Variants in PCNX1 observed in about 807,000 individuals in gnomAD.
PCNX1 encodes pecanex 1.
PCNX1 carries 78 observed loss-of-function variants against 242.2 expected under a neutral mutation model. That is an observed-to-expected ratio of 0.32 (90% CI 0.27 to 0.39). The LOEUF is 0.39. Ranked by LOEUF, PCNX1 falls within the 10% of genes least tolerant of loss-of-function variation. PCNX1 has a pLI of 1.00. For missense variants in PCNX1, 2,581 were observed against 2,856.5 expected, an observed-to-expected ratio of 0.90 and a Z score of 2.20; for synonymous variants, 1,024 against 1,032.9, an observed-to-expected ratio of 0.99 and a Z score of 0.17.
intron 16 of PCNX1, 124 bp downstream of exon 16, chr14:71,028,915 A>G (rs1468095460): frequency 3.7e-6 from 2 of 540,340 alleles, no homozygotes; most frequent in Non-Finnish European, 6.5e-6. Flanking sequence ...CATGGTCTTC[A>G]TATGTTAAAC....
intron 9 of PCNX1, among the ~76,000 whole-genome samples, chr14:71,010,236 C>A (rs1490067806): frequency 6.6e-6 from 1 of 151,998 alleles, no homozygotes. Flanking sequence ...AGTGTTTTCC[C>A]ACAGTGTCAA....
Position 71,074,744 on chromosome 14 carries a change from G to A in PCNX1, c.5106+946G>A, listed in dbSNP as rs118076519. On this transcript the variant is annotated intron_variant, in intron 27 of 35. Transcript: ENST00000304743. ...TCCAGCTGAACAAAGACTCTTTAACGGGAAGGGCATCCCAAGGCTTAGCGG... is the reference window on the plus strand; with the variant it reads ...TCCAGCTGAACAAAGACTCTTTAACAGGAAGGGCATCCCAAGGCTTAGCGG... Among the ~76,000 whole-genome samples, 192 of 152,164 alleles carry A rather than the reference G, an allele frequency of 1.3e-3. 1 individual carries two copies. In the East Asian group the frequency reaches 0.033, roughly 26 times the overall value.
intron 1 of PCNX1, among the ~76,000 whole-genome samples, chr14:70,914,622 A>G (rs1453930716): frequency 1.3e-5 from 2 of 152,254 alleles, no homozygotes; most frequent in South Asian, 2.1e-4. Context: ...ATTTTATTAA[A>G]GAATTTTCAA....
intron 1 of PCNX1, among the ~76,000 whole-genome samples, chr14:70,938,863 T>C (rs375325074): frequency 2.0e-5 from 3 of 152,234 alleles, no homozygotes; most frequent in Non-Finnish European, 4.4e-5. Flanking sequence ...CTTGGGAGGG[T>C]GTATGTGTCC....
In PCNX1 at chr14:71,033,944, T is replaced by G. The variant is rs756315242; in HGVS notation, c.3682T>G (p.Ser1228Ala). The change falls in exon 18 of 36, where the codon TCC becomes GCC. Residue 1228 changes from serine to alanine, a missense_variant. Transcript: ENST00000304743. Reference protein sequence around the residue: ...DPSVLFSLVQSKIFPKTEEKN... With the variant: ...DPSVLFSLVQAKIFPKTEEKN... ...CTTCACATAAAGCTCTTTAGTGCAATCCAAGATTTTTCCAAAAACGGAAGA... is the reference window on the plus strand; with the variant it reads ...CTTCACATAAAGCTCTTTAGTGCAAGCCAAGATTTTTCCAAAAACGGAAGA... 1.9e-6 allele frequency: 3 copies of G among 1,588,334 alleles called. No homozygotes were observed. The highest frequency in any genetic ancestry group is 2.6e-6 in the Non-Finnish European group (3 of 1,160,200).
intron 30 of PCNX1, among the ~76,000 whole-genome samples, chr14:71,099,647 G>A (rs1226578582): frequency 6.6e-6 from 1 of 152,122 alleles, no homozygotes; most frequent in Non-Finnish European, 1.5e-5. Flanking sequence ...TTAGTTTTTT[G>A]CCTCAGTGAT....
chr14:70,950,636 A>G lies in PCNX1; in HGVS notation c.362+3513A>G, dbSNP rs942080937. On this transcript the variant is annotated intron_variant, in intron 2 of 35. Coordinates refer to ENST00000304743, the MANE Select transcript of PCNX1 (RefSeq NM_014982.3). Reference sequence around the variant, plus strand: ...TTTTTTGCACTTTTGACAACTCTTGAGTATTTAGTATTTTGAAAAACTGTG... The same window carrying G: ...TTTTTTGCACTTTTGACAACTCTTGGGTATTTAGTATTTTGAAAAACTGTG... Among the ~76,000 whole-genome samples the G allele has an allele frequency of 7.9e-5, 12 of 152,114 alleles. No individual in the cohort carries two copies. In the South Asian group the frequency reaches 2.3e-3, roughly 29 times the overall value.
intron 10 of PCNX1, 144 bp from the exon 11 acceptor site, chr14:71,012,841 G>A (rs2059860664): frequency 3.5e-6 from 2 of 577,554 alleles, no homozygotes; most frequent in South Asian, 2.1e-5. Context: ...AAAAAAAAGT[G>A]TATGAGAGAA....
At chr14:71,102,427 G>A (rs557703929) in intron 31 of PCNX1, among the ~76,000 whole-genome samples, 6 of 152,022 alleles carry the variant, frequency 3.9e-5, no homozygotes, top group South Asian at 4.2e-4. Flanking sequence ...CACCATGTCC[G>A]GCTAATTTTT....
intron 30 of PCNX1, among the ~76,000 whole-genome samples, chr14:71,096,792 T>C (rs925324599): frequency 6.6e-6 from 1 of 152,152 alleles, no homozygotes; most frequent in African/African-American, 2.4e-5. Flanking sequence ...ATTAATCAAT[T>C]GAGGGTTGCA....
intron 2 of PCNX1, among the ~76,000 whole-genome samples, chr14:70,953,163 C>G (rs570076223): frequency 5.6e-4 from 85 of 152,112 alleles, no homozygotes; most frequent in African/African-American, 2.0e-3. Flanking sequence ...CCTGTAGTGC[C>G]AGATACTTGG....
intron 1 of PCNX1, among the ~76,000 whole-genome samples, chr14:70,945,160 G>T (rs574460851): frequency 1.3e-5 from 2 of 152,096 alleles, no homozygotes; most frequent in African/African-American, 4.8e-5. Context: ...CTATCCAGGA[G>T]TCCCCAGGCA....
chr14:71,009,264 C>T (rs1472287471), intron 8 of PCNX1, among the ~76,000 whole-genome samples: 2 of 152,166 alleles, frequency 1.3e-5, no homozygotes, highest in Non-Finnish European at 2.9e-5. Flanking sequence ...ATTTAAGAAG[C>T]TTTGCAAATG....
At chr14:71,078,636 T>A (rs2061775993) in intron 28 of PCNX1, 1 of 152,242 alleles carries the variant, frequency 6.6e-6, no homozygotes, top group Non-Finnish European at 1.5e-5. Context: ...AACTAATTTT[T>A]TTCTTTCAGC....
chr14:71,069,780 G>A (rs2061545081), intron 26 of PCNX1, among the ~76,000 whole-genome samples: 1 of 152,206 alleles, frequency 6.6e-6, no homozygotes, highest in South Asian at 2.1e-4. Flanking sequence ...GGAGGGTCTT[G>A]CCCCGATGTT....
At chr14:70,926,561 C>A (rs2056598913) in intron 1 of PCNX1, among the ~76,000 whole-genome samples, 1 of 151,180 alleles carries the variant, frequency 6.6e-6, no homozygotes, top group Non-Finnish European at 1.5e-5. Context: ...TGCTGTAGGC[C>A]TCTAGTGGGT....
intron 33 of PCNX1, 39 bp downstream of exon 33, chr14:71,105,479 T>TATGGCTAAGAAGC: frequency 3.3e-6 from 5 of 1,497,344 alleles, no homozygotes; most frequent in Non-Finnish European, 4.6e-6. Context: ...TGTTAGCTTC[T>TATGGCTAAGAAGC]TAGCCATAGA....
intron 12 of PCNX1, 131 bp from the exon 13 acceptor site, chr14:71,023,069 A>T (rs1251843842): frequency 1.4e-6 from 1 of 706,850 alleles, no homozygotes; most frequent in Non-Finnish European, 2.6e-6. Flanking sequence ...TCTGGAACAG[A>T]ATTATTAATA....
intron 35 of PCNX1, 84 bp downstream of exon 35, chr14:71,109,676 A>C: frequency 1.3e-6 from 2 of 1,574,976 alleles, no homozygotes; most frequent in Non-Finnish European, 1.7e-6. Flanking sequence ...TAGCTGATTT[A>C]TACTTAAACG....
Sources: allele counts gnomAD v4.1 joint callset (sites outside exome capture counted in the v4.1 genomes callset), GRCh38; gene constraint gnomAD v4.1.1; transcripts MANE v1.5; gene names NCBI Gene and HGNC (gene_info 2026-07-23, HGNC 2026-07-21).